Variants in SCRIB observed in about 807,000 individuals in gnomAD.
SCRIB encodes the protein protein scribble homolog.
SCRIB carries 72 observed loss-of-function variants against 170.0 expected under a neutral mutation model. That is an observed-to-expected ratio of 0.42 (90% CI 0.35 to 0.52). The LOEUF (loss-of-function observed/expected upper bound fraction) is 0.52, where lower values mean the gene tolerates loss of function less well. Ranked by LOEUF, SCRIB falls within the 20% of genes least tolerant of loss-of-function variation. The pLI is 0.02. For missense variants in SCRIB, 2,475 were observed against 2,338.5 expected, an observed-to-expected ratio of 1.06 and a Z score of -1.20; for synonymous variants, 1,298 against 1,044.3, an observed-to-expected ratio of 1.24 and a Z score of -4.68.
chr8:143,799,783 C>G, intron 24 of SCRIB, among the ~76,000 whole-genome samples: 1 of 144,744 alleles, frequency 6.9e-6, no homozygotes, highest in Non-Finnish European at 1.5e-5. Flanking sequence ...GACGTAGGCT[C>G]TGACAGACAG....
Position 143,800,663 on chromosome 8 carries a change from C to T in SCRIB, c.3603+2720G>A, listed in dbSNP as rs188960361. Among the ~76,000 whole-genome samples the T allele has an allele frequency of 1.4e-4, 21 of 152,328 alleles. No individual in the cohort carries two copies. The East Asian group carries it at 3.1e-3, about 22-fold the overall frequency. On this transcript the variant is annotated intron_variant, in intron 24 of 36. Transcript: ENST00000356994. ...GCCAAGGCAGGCAGGTCACTTGAGC[C>T]CAGGAGCTGAAGACCAGCCTAGGTA...
intron 15 of SCRIB, among the ~76,000 whole-genome samples, chr8:143,808,403 C>T (rs1286992482): frequency 5.4e-5 from 8 of 147,736 alleles, no homozygotes; most frequent in African/African-American, 1.7e-4. Flanking sequence ...GCCTGGAGTC[C>T]AAGCATGGAC....
chr8:143,813,226 C>T, intron 6 of SCRIB, 85 bp downstream of exon 6: 3 of 1,593,756 alleles, frequency 1.9e-6, no homozygotes, highest in African/African-American at 1.3e-5. Context: ...GTGCCCCTTG[C>T]TGTCGGATCT....
At position 143,812,400 on chromosome 8, in the gene SCRIB, CAG is replaced by C. The variant is rs752059260; in HGVS notation, c.788-18_788-17del. On this transcript the variant is annotated splice_polypyrimidine_tract_variant and intron_variant, in intron 8 of 36. Transcript: ENST00000356994. ...TTCAGCTGACCTGGCGTCGGGGAGA[CAG>C]GGGGACAAGGCTGAGCATGGTCCCC... The C allele has an allele frequency of 7.9e-5, 125 of 1,576,260 alleles. 1 individual carries two copies. Among genetic ancestry groups the C allele is most frequent in the East Asian group, 2.7e-4 (12 of 44,704 alleles).
At chr8:143,808,127 AG>A (rs1453087464) in intron 15 of SCRIB, among the ~76,000 whole-genome samples, 2 of 152,070 alleles carry the variant, frequency 1.3e-5, no homozygotes, top group Non-Finnish European at 2.9e-5. Context: ...ATCCCAGGAG[AG>A]CCCAGTGATC....
At position 143,795,536 on chromosome 8, in the gene SCRIB, A is replaced by G; in HGVS notation, c.3604-6T>C. 6.2e-7 allele frequency: 1 copy of G among 1,608,134 alleles called. No homozygotes were observed. The highest frequency in any genetic ancestry group is 8.5e-7 in the Non-Finnish European group (1 of 1,177,002). ...GCAATGACACCTGGGGACACCTGAGAAGAGGGGTGTGGGCTAAGAAGGGGG... is the reference window on the plus strand; with the variant it reads ...GCAATGACACCTGGGGACACCTGAGGAGAGGGGTGTGGGCTAAGAAGGGGG... On this transcript the variant is annotated splice_region_variant and splice_polypyrimidine_tract_variant and intron_variant, in intron 24 of 36. Coordinates refer to ENST00000356994, the MANE Select transcript of SCRIB (RefSeq NM_182706.5).
In SCRIB at chr8:143,792,388, G is replaced by A. The variant is rs782678561; in HGVS notation, c.4346C>T (p.Pro1449Leu). 2 of 1,506,578 alleles carry A rather than the reference G, an allele frequency of 1.3e-6. No homozygotes were observed. The highest frequency in any genetic ancestry group is 1.8e-6 in the Non-Finnish European group (2 of 1,132,130). 93.3% of individuals were successfully genotyped at this position (1,506,578 alleles called of 1,614,324 possible). A position where few individuals can be genotyped will look rare whatever the true frequency, so the allele number is the denominator to read the frequency against. Residue 1449 changes from proline to leucine, a missense_variant, in exon 32 of 37, where the codon CCC (proline) becomes CTC (leucine). This residue lies in a region of SCRIB where 1,966 missense variants were observed against 1,742.9 expected (regional missense o/e 1.13). Transcript: ENST00000356994. ...CGGGGCGCCACCTCCCAGGGGTGGG[G>A]GGGACGCCGGGCTCTGCCTGGGGAA... ...SPTSRQSPAS[P>L]PPLGGGAPVR...
At chr8:143,814,953 C>G in intron 1 of SCRIB, 1 of 493,750 alleles carries the variant, frequency 2.0e-6, no homozygotes, top group Non-Finnish European at 3.6e-6. Context: ...TCCCTGAATC[C>G]CCACGGGTTT....
intron 27 of SCRIB, among the ~76,000 whole-genome samples, chr8:143,794,408 G>A (rs782230199): frequency 1.4e-4 from 22 of 152,098 alleles, no homozygotes; most frequent in Non-Finnish European, 2.6e-4. Context: ...CCCTCTTGGC[G>A]CTGCCCATGG....
intron 24 of SCRIB, among the ~76,000 whole-genome samples, chr8:143,799,554 C>A (rs1815085265): frequency 6.6e-6 from 1 of 152,194 alleles, no homozygotes; most frequent in Non-Finnish European, 1.5e-5. Context: ...TCTCAGACAG[C>A]GCACACCCAC....
chr8:143,802,117 G>A (rs782047440), intron 24 of SCRIB, among the ~76,000 whole-genome samples: 24 of 152,356 alleles, frequency 1.6e-4, no homozygotes, highest in Non-Finnish European at 2.2e-4. Context: ...CCCTCTCTGA[G>A]AACCAGATGG....
intron 8 of SCRIB, 116 bp from the exon 9 acceptor site, chr8:143,812,500 G>T: frequency 1.2e-6 from 1 of 825,392 alleles, no homozygotes; most frequent in Non-Finnish European, 2.0e-6. Flanking sequence ...TTCTGCCGCC[G>T]CCGTACTTCG....
chr8:143,807,895 A>T (rs1295294921), intron 15 of SCRIB, among the ~76,000 whole-genome samples: 1 of 152,094 alleles, frequency 6.6e-6, no homozygotes, highest in Non-Finnish European at 1.5e-5. Context: ...TCAGGGTCAG[A>T]GTGTCATCAA....
At position 143,814,628 on chromosome 8, in the gene SCRIB, A is replaced by G. The variant is rs566952729; in HGVS notation, c.160-510T>C. Among the ~76,000 whole-genome samples, 5 of 152,302 alleles carry G rather than the reference A, an allele frequency of 3.3e-5. No individual in the cohort carries two copies. In the South Asian group the frequency reaches 1.0e-3, roughly 32 times the overall value. On this transcript the variant is annotated intron_variant, in intron 1 of 36. Transcript: ENST00000356994. ...ACTGCCACGGCCAGAACAGGGTCAC[A>G]TTCTTTGGGACACCCAACCCCTAGG...
intron 24 of SCRIB, among the ~76,000 whole-genome samples, chr8:143,800,860 C>T (rs73373181): frequency 0.01 from 1,560 of 152,356 alleles, 34 homozygotes; most frequent in African/African-American, 0.036. Context: ...GGCGACAGAG[C>T]GAGACCCTTT....
Position 143,810,681 on chromosome 8 carries a change from C to T in SCRIB, c.1404+5G>A. ...GGTTCGCCCCCCAGATCCTCACCCT[C>T]ATACCCGCTTCTCAGCTGCAGCTTC... On this transcript the variant is annotated splice_donor_5th_base_variant and intron_variant, in intron 12 of 36. Coordinates refer to ENST00000356994, the MANE Select transcript of SCRIB (RefSeq NM_182706.5). 6.2e-7 allele frequency: 1 copy of T among 1,603,050 alleles called. No individual in the cohort carries two copies. Among genetic ancestry groups the T allele is most frequent in the Non-Finnish European group, 8.5e-7 (1 of 1,172,162 alleles).
chr8:143,809,766 G>C (rs775324973), intron 13 of SCRIB, 48 bp from the exon 14 acceptor site: 1 of 1,584,024 alleles, frequency 6.3e-7, no homozygotes, highest in East Asian at 2.3e-5. Context: ...CCGACTCACA[G>C]GCTGGCCACC....
intron 9 of SCRIB, among the ~76,000 whole-genome samples, chr8:143,811,932 T>C (rs575729068): frequency 6.6e-6 from 1 of 152,252 alleles, no homozygotes; most frequent in South Asian, 2.1e-4. Flanking sequence ...CAGACGCCCC[T>C]GGGGAGCAGC....
Position 143,808,661 on chromosome 8 carries a change from C to T in SCRIB, c.2063G>A (p.Ser688Asn), listed in dbSNP as rs1815549770. Residue 688 changes from serine (S) to asparagine (N), a missense_variant, in exon 15 of 37, where the codon AGC (serine) becomes AAC (asparagine). Physicochemically the swap from Ser to Asn is conservative, Grantham distance 46. Transcript: ENST00000356994. ...EENRAEEEEA[S>N]TEEEDKEGAV... ...CCCCTCCTTGTCCTCCTCCTCAGTG[C>T]TGGCCTCTTCCTCTTCAGCCCTGTT... 1.3e-6 allele frequency: 2 copies of T among 1,533,700 alleles called. No individual in the cohort carries two copies. Among genetic ancestry groups the T allele is most frequent in the Non-Finnish European group, 8.7e-7 (1 of 1,143,334 alleles).
Sources: allele counts gnomAD v4.1 joint callset (sites outside exome capture counted in the v4.1 genomes callset), GRCh38; gene constraint gnomAD v4.1.1; regional missense constraint gnomAD v4.1.1; transcripts MANE v1.5; gene names NCBI Gene and HGNC (gene_info 2026-07-23, HGNC 2026-07-21).